The following BCR variants were observed in gnomAD, a reference collection of about 807,000 sequenced individuals.
BCR encodes the protein breakpoint cluster region protein.
Under a neutral mutation model 138.6 loss-of-function variants are expected in BCR, and 58 were observed. The observed-to-expected ratio is 0.42, with a 90% CI of 0.34 to 0.52. The LOEUF (loss-of-function observed/expected upper bound fraction) is 0.52. BCR is among the 20% of genes least tolerant of loss of function. The pLI is 0.06. For missense variants in BCR, 1,599 were observed against 1,727.2 expected, an observed-to-expected ratio of 0.93 and a Z score of 1.32; for synonymous variants, 786 against 730.1, an observed-to-expected ratio of 1.08 and a Z score of -1.23.
At chr22:23,270,040 G>A (rs911174212) in intron 5 of BCR, among the ~76,000 whole-genome samples, 9 of 152,204 alleles carry the variant, frequency 5.9e-5, no homozygotes, top group Middle Eastern at 3.4e-3. Flanking sequence ...CCATCAGGGC[G>A]ACATGCACTT....
intron 1 of BCR, among the ~76,000 whole-genome samples, chr22:23,210,917 A>G (rs971888944): frequency 3.9e-5 from 6 of 152,288 alleles, no homozygotes; most frequent in Admixed American, 6.5e-5. Context: ...TGTAACATAC[A>G]TACCATAGAG....
chr22:23,220,775 C>T (rs1002225124), intron 1 of BCR, among the ~76,000 whole-genome samples: 2 of 152,150 alleles, frequency 1.3e-5, no homozygotes, highest in Non-Finnish European at 1.5e-5. Flanking sequence ...TAACCTCCAC[C>T]CTCACTGCTT....
intron 1 of BCR, among the ~76,000 whole-genome samples, chr22:23,220,355 G>C (rs1351824859): frequency 6.6e-6 from 1 of 152,222 alleles, no homozygotes; most frequent in Non-Finnish European, 1.5e-5. Flanking sequence ...GGAGAAGCCA[G>C]AGCCAGGTGT....
chr22:23,301,608 C>T (rs1230777347), intron 16 of BCR, among the ~76,000 whole-genome samples: 1 of 152,264 alleles, frequency 6.6e-6, no homozygotes, highest in Non-Finnish European at 1.5e-5. Flanking sequence ...GTCCCGTGAC[C>T]TCACTTCCCA....
At chr22:23,202,915 A>G (rs973980157) in intron 1 of BCR, among the ~76,000 whole-genome samples, 19 of 151,974 alleles carry the variant, frequency 1.3e-4, no homozygotes, top group Admixed American at 8.5e-4. Context: ...CTCACTCTGC[A>G]TCTGCACTGG....
Position 23,284,954 on chromosome 22 carries a change from T to A in BCR, c.2238-79T>A. 2.0e-6 allele frequency: 3 copies of A among 1,492,856 alleles called. No homozygotes were observed. In the African/African-American group the frequency reaches 4.1e-5, roughly 21 times the overall value. The allele number at this position is 1,492,856 out of a possible 1,614,324, so 92.5% of individuals were successfully genotyped here. A position where few individuals can be genotyped will look rare whatever the true frequency, so the allele number is the denominator to read the frequency against. On this transcript the variant is annotated intron_variant, in intron 9 of 22. Transcript: ENST00000305877. Reference sequence around the variant, plus strand: ...ACCATGTATGGCCGAGAACACTGGCTCTTGGGCTCTTGACAGCAGTGACAT... The same window carrying A: ...ACCATGTATGGCCGAGAACACTGGCACTTGGGCTCTTGACAGCAGTGACAT...
chr22:23,262,602 A>G (rs2073374188), intron 4 of BCR, among the ~76,000 whole-genome samples: 1 of 151,744 alleles, frequency 6.6e-6, no homozygotes, highest in African/African-American at 2.4e-5. Context: ...AACCTAGTGG[A>G]GGGTGGTGGC....
chr22:23,198,334 T>C (rs2072507161), intron 1 of BCR: 1 of 440,772 alleles, frequency 2.3e-6, no homozygotes. Context: ...AGGAGGGGAC[T>C]GGTGGGCTGG....
At chr22:23,296,221 A>G (rs910682409) in intron 16 of BCR, among the ~76,000 whole-genome samples, 37 of 152,010 alleles carry the variant, frequency 2.4e-4, no homozygotes, top group Middle Eastern at 3.4e-3. Context: ...AAAAATACAA[A>G]AAATTAGCCA....
In BCR at chr22:23,279,440, G is replaced by T. The variant is rs559089138; in HGVS notation, c.2116-4537G>T. On this transcript the variant is annotated intron_variant, in intron 8 of 22. Transcript: ENST00000305877. ...TCCTGGTCCCACTGCCAAACCTCTG[G>T]AGTCTGCCACATCCCTGCATAGACA... 7.9e-5 allele frequency among the ~76,000 whole-genome samples: 12 copies of T among 152,340 alleles called. No individual in the cohort carries two copies. In the South Asian group the frequency reaches 2.3e-3, roughly 29 times the overall value.
intron 1 of BCR, among the ~76,000 whole-genome samples, chr22:23,232,216 C>G (rs749561077): frequency 7.2e-5 from 11 of 152,252 alleles, no homozygotes; most frequent in Non-Finnish European, 1.3e-4. Context: ...TCTAGGCAGG[C>G]ACTGTTCTGG....
At chr22:23,276,904 G>C (rs1421704935) in intron 8 of BCR, among the ~76,000 whole-genome samples, 1 of 152,254 alleles carries the variant, frequency 6.6e-6, no homozygotes, top group Non-Finnish European at 1.5e-5. Flanking sequence ...CGTGCTCTCT[G>C]AGGGCAATGA....
chr22:23,266,050 C>G (rs1026891181), intron 4 of BCR, among the ~76,000 whole-genome samples: 7 of 152,084 alleles, frequency 4.6e-5, no homozygotes, highest in African/African-American at 1.7e-4. Context: ...GTACCAGTTC[C>G]TTAGACTTTG....
rs112182684 is a variant in BCR, at chr22:23,251,572, C to G, written c.1280-2227C>G. ...AGACACACGGCTCTCCCCGGCCTTC[C>G]ACGTGGAAAGGACTGACAACAGTCT... On this transcript the variant is annotated intron_variant, in intron 1 of 22. Coordinates refer to ENST00000305877, the MANE Select transcript of BCR (RefSeq NM_004327.4). Among the ~76,000 whole-genome samples, 347 of 152,358 alleles carry G rather than the reference C, an allele frequency of 2.3e-3. 2 individuals carry two copies. The highest frequency in any genetic ancestry group is 7.9e-3 in the African/African-American group (330 of 41,584).
rs111893420 is a variant in BCR, at chr22:23,227,393, A to G, written c.1280-26406A>G. Among the ~76,000 whole-genome samples, 10 of 152,234 alleles carry G rather than the reference A, an allele frequency of 6.6e-5. No individual in the cohort carries two copies. The East Asian group carries it at 1.3e-3, about 20-fold the overall frequency. ...ACAGCCCACGATCAGGGAGGAAGCC[A>G]TCCCCTGTGGTCCAGCCCTCTGCAC... is the stretch of plus-strand genomic sequence containing the variant. On this transcript the variant is annotated intron_variant, in intron 1 of 22. Transcript: ENST00000305877.
intron 1 of BCR, among the ~76,000 whole-genome samples, chr22:23,232,264 T>C (rs1332277172): frequency 6.6e-6 from 1 of 152,238 alleles, no homozygotes; most frequent in African/African-American, 2.4e-5. Flanking sequence ...TCACAGGGAC[T>C]CGGGGTGTCC....
At chr22:23,257,235 C>A (rs1300917029) in intron 2 of BCR, among the ~76,000 whole-genome samples, 1 of 152,196 alleles carries the variant, frequency 6.6e-6, no homozygotes, top group African/African-American at 2.4e-5. Context: ...CATCCTGAGT[C>A]TTGTCTCCAC....
At chr22:23,210,061 AAAG>A (rs1412251838) in intron 1 of BCR, among the ~76,000 whole-genome samples, 1 of 152,224 alleles carries the variant, frequency 6.6e-6, no homozygotes, top group African/African-American at 2.4e-5. Flanking sequence ...ACCCTAGAAA[AAAG>A]AAATTATGGG....
intron 4 of BCR, 108 bp from the exon 5 acceptor site, chr22:23,268,300 G>A (rs758051921): frequency 1.1e-4 from 95 of 859,856 alleles, no homozygotes; most frequent in Admixed American, 7.4e-4. Flanking sequence ...CCTGTGTGCC[G>A]TCTGCTGTCC....
Sources: gnomAD v4.1 joint callset for allele counts (sites outside exome capture counted in the v4.1 genomes callset) on GRCh38, gnomAD v4.1.1 for gene constraint, MANE v1.5 for transcripts, NCBI Gene and HGNC (gene_info 2026-07-23, HGNC 2026-07-21) for gene names.